The following PCDHGA9 variants were observed in gnomAD, a reference collection of about 807,000 sequenced individuals.
The protein encoded by PCDHGA9 is protocadherin gamma subfamily A, 9.
In PCDHGA9, 37 loss-of-function variants were observed where a neutral mutation model predicts 62.5. The observed-to-expected ratio is 0.59, with a 90% confidence interval of 0.46 to 0.78. The LOEUF (loss-of-function observed/expected upper bound fraction) is 0.78. Ranked by LOEUF, PCDHGA9 falls within the 30% of genes least tolerant of loss-of-function variation. PCDHGA9 has a pLI of 0.00. For missense variants in PCDHGA9, 1,138 were observed against 1,166.2 expected (o/e 0.98, Z 0.35); for synonymous variants, 459 against 484.6 (o/e 0.95, Z 0.69).
chr5:141,476,055 GT>G lies in PCDHGA9; in HGVS notation c.2425-18749del. 6.7e-7 allele frequency: 1 copy of G among 1,503,516 alleles called. No homozygotes were observed. Among genetic ancestry groups the G allele is most frequent in the South Asian group, 1.3e-5 (1 of 75,386 alleles). The allele number at this position is 1,503,516 out of a possible 1,614,324, so 93.1% of individuals were successfully genotyped here. ...GCGCCCAAGCGCTAACCCGCTGAAA[GT>G]TTCTCAGCGAAATCTCAGGGACGAT... On this transcript the variant is annotated intron_variant, in intron 1 of 3. Transcript: ENST00000573521. The surrounding 1 kb of genome is among the most constrained non-coding windows in gnomAD (Gnocchi z 7.6).
intron 1 of PCDHGA9, chr5:141,413,489 G>A (rs937434384): frequency 1.9e-6 from 3 of 1,614,036 alleles, no homozygotes; most frequent in Admixed American, 1.7e-5. Context: ...CAGAGCGCGC[G>A]GTGCGTGGTG....
intron 1 of PCDHGA9, among the ~76,000 whole-genome samples, chr5:141,471,014 G>A (rs2099246573): frequency 6.7e-6 from 1 of 148,628 alleles, no homozygotes; most frequent in Non-Finnish European, 1.5e-5. Context: ...ACTGTGCCTG[G>A]TCAATCATTT....
rs1415465011 is a variant in PCDHGA9 at position 141,403,959 on chromosome 5, C to T, written c.1007C>T (p.Ser336Leu). ...GLKGWTKVLI[S>L]VEDVNDNRPE... ...AAAGGGTGGACAAAAGTGCTCATTTCGGTGGAAGATGTAAATGACAATAGA... is the reference window on the plus strand; with the variant it reads ...AAAGGGTGGACAAAAGTGCTCATTTTGGTGGAAGATGTAAATGACAATAGA... Residue 336 changes from serine (S) to leucine (L), a missense_variant, in exon 1 of 4, where the codon TCG becomes TTG. By Grantham distance (145) the Ser-to-Leu change is moderately radical (BLOSUM62 -2). Transcript: ENST00000573521. 2.5e-6 allele frequency: 4 copies of T among 1,613,568 alleles called. No homozygotes were observed. Among genetic ancestry groups the T allele is most frequent in the Non-Finnish European group, 3.4e-6 (4 of 1,179,810 alleles).
At chr5:141,475,543 G>A (rs1161883598) in intron 1 of PCDHGA9, among the ~76,000 whole-genome samples, 1 of 152,196 alleles carries the variant, frequency 6.6e-6, no homozygotes, top group African/African-American at 2.4e-5. Flanking sequence ...TACAAGTAGG[G>A]TCCGGCTAAT....
At chr5:141,415,041 G>C in intron 1 of PCDHGA9, 2 of 1,613,530 alleles carry the variant, frequency 1.2e-6, no homozygotes, top group Non-Finnish European at 1.7e-6. Context: ...GACTCTTCGC[G>C]GTGGGGGAGC....
chr5:141,421,861 C>T, intron 1 of PCDHGA9: 2 of 1,613,738 alleles, frequency 1.2e-6, no homozygotes, highest in South Asian at 2.2e-5. Flanking sequence ...TCACCTGCTC[C>T]TCCTCACAGC....
chr5:141,489,893 G>A lies in PCDHGA9; in HGVS notation c.2425-4914G>A. ...CTGGTGCTTACTGCTGTGGATGGGG[G>A]GACCCCAGCCCGCTCAGGGACCACC... On this transcript the variant is annotated intron_variant, in intron 1 of 3. Transcript: ENST00000573521. This position sits in a 1 kb window ranked among gnomAD's most constrained non-coding sequence, Gnocchi z 4.5. 6.2e-7 allele frequency: 1 copy of A among 1,614,190 alleles called. No individual in the cohort carries two copies. Among genetic ancestry groups the A allele is most frequent in the South Asian group, 1.1e-5 (1 of 91,084 alleles).
intron 1 of PCDHGA9, chr5:141,421,290 G>C (rs2096561632): frequency 6.2e-7 from 1 of 1,613,130 alleles, no homozygotes; most frequent in African/African-American, 1.3e-5. Flanking sequence ...GCATTTTCCT[G>C]GGGACGCTGC....
rs757797019 is a variant in PCDHGA9 at position 141,487,064 on chromosome 5, G to A, written c.2425-7743G>A. On this transcript the variant is annotated intron_variant, in intron 1 of 3. Transcript: ENST00000573521. The surrounding 1 kb of genome is among the most constrained non-coding windows in gnomAD (Gnocchi z 5.0). The stretch of plus-strand genomic sequence containing the variant: ...TCGATATGCTGGGGAGGTGCGGACG[G>A]CTGTTCCTATCCCAGCTGACCTCCC... 6.2e-6 allele frequency: 10 copies of A among 1,614,006 alleles called. No individual in the cohort carries two copies.
chr5:141,430,750 G>A (rs746434313), intron 1 of PCDHGA9: 2 of 1,500,586 alleles, frequency 1.3e-6, no homozygotes, highest in Non-Finnish European at 1.8e-6. Context: ...AATTCTGGAG[G>A]AAGATAAGAA....
chr5:141,420,669 G>A (rs1018355067), intron 1 of PCDHGA9, among the ~76,000 whole-genome samples: 2 of 152,202 alleles, frequency 1.3e-5, no homozygotes, highest in South Asian at 2.1e-4. Context: ...CATCCTACCT[G>A]ATGATTTTAT....
chr5:141,413,180 C>CCGCTCAAAGGAAT (rs760676891), intron 1 of PCDHGA9: 75 of 1,602,494 alleles, frequency 4.7e-5, no homozygotes, highest in Non-Finnish European at 6.1e-5. Flanking sequence ...ACTACAATGG[C>CCGCTCAAAGGAAT]CGCTCAAAGG....
chr5:141,424,100 G>A (rs1362239131), intron 1 of PCDHGA9: 1 of 832,456 alleles, frequency 1.2e-6, no homozygotes, highest in East Asian at 1.2e-4. Flanking sequence ...TGCTATTACT[G>A]CTAATGTTCA....
intron 1 of PCDHGA9, chr5:141,419,553 C>T (rs2096398346): frequency 1.2e-5 from 20 of 1,611,902 alleles, no homozygotes; most frequent in Non-Finnish European, 1.4e-5. Flanking sequence ...GTGCTGTACC[C>T]TGCGCTGGGT....
In PCDHGA9 at chr5:141,476,966, G is replaced by C. The variant is rs780645226; in HGVS notation, c.2425-17841G>C. The C allele has an allele frequency of 1.2e-6, 2 of 1,614,152 alleles. No homozygotes were observed. Among genetic ancestry groups the C allele is most frequent in the Non-Finnish European group, 1.7e-6 (2 of 1,180,032 alleles). On this transcript the variant is annotated intron_variant, in intron 1 of 3. Coordinates refer to ENST00000573521, the MANE Select transcript of PCDHGA9 (RefSeq NM_018921.3). This position sits in a 1 kb window ranked among gnomAD's most constrained non-coding sequence, Gnocchi z 7.6. ...CAACGGTGAAATTATTTACTCCTTCGGCAGCCACAACCGCGCCGGCGTGCG... is the reference window on the plus strand; with the variant it reads ...CAACGGTGAAATTATTTACTCCTTCCGCAGCCACAACCGCGCCGGCGTGCG...
At chr5:141,508,588 C>G (rs1721443459) in intron 3 of PCDHGA9, among the ~76,000 whole-genome samples, 1 of 152,176 alleles carries the variant, frequency 6.6e-6, no homozygotes, top group African/African-American at 2.4e-5. Context: ...GGGTGCTACT[C>G]AGAGATCTTG....
intron 1 of PCDHGA9, among the ~76,000 whole-genome samples, chr5:141,456,765 C>A (rs1468235444): frequency 2.0e-5 from 3 of 151,852 alleles, no homozygotes; most frequent in Non-Finnish European, 2.9e-5. Context: ...GAGTTTGAGA[C>A]CAGCCTGGCC....
chr5:141,409,149 C>T (rs1248646625), intron 1 of PCDHGA9: 1 of 1,613,948 alleles, frequency 6.2e-7, no homozygotes, highest in Non-Finnish European at 8.5e-7. Context: ...GAAAGGTACA[C>T]CATGGAAGTG....
chr5:141,410,849 C>CTTTTTTTTTTTT lies in PCDHGA9; in HGVS notation c.2424+5484_2424+5495dup. The CTTTTTTTTTTTT allele has an allele frequency of 2.7e-3, 375 of 138,154 alleles. 24 individuals are homozygous for CTTTTTTTTTTTT. The highest frequency in any genetic ancestry group is 6.9e-3 in the African/African-American group (114 of 16,622). 8.6% of individuals were successfully genotyped at this position (138,154 alleles called of 1,614,324 possible). ...CAGACTGAAGATATTTTGTCTTTGTCTTTTTTTTTTTTTTTTTTTTTTGAG... is the reference window on the plus strand; with the variant it reads ...CAGACTGAAGATATTTTGTCTTTGTCTTTTTTTTTTTTTTTTTTTTTTTTTTTTTTTTTTGAG... On this transcript the variant is annotated intron_variant, in intron 1 of 3. Coordinates refer to ENST00000573521, the MANE Select transcript of PCDHGA9 (RefSeq NM_018921.3).
Sources: allele counts gnomAD v4.1 joint callset (sites outside exome capture counted in the v4.1 genomes callset), GRCh38; gene constraint gnomAD v4.1.1; non-coding constraint Gnocchi (gnomAD v3.1); transcripts MANE v1.5; gene names NCBI Gene and HGNC (gene_info 2026-07-23, HGNC 2026-07-21).